Variants in SEMA4D observed in about 807,000 individuals in gnomAD.
SEMA4D encodes semaphorin-4D.
In SEMA4D, 22 loss-of-function variants were observed where a neutral mutation model predicts 74.8. The ratio of observed to expected loss-of-function variants is 0.29; its 90% CI spans 0.21 to 0.42. The LOEUF (loss-of-function observed/expected upper bound fraction) is 0.42, where lower values mean the gene tolerates loss of function less well. Ranked by LOEUF, SEMA4D falls within the 10% of genes least tolerant of loss-of-function variation. SEMA4D has a pLI of 1.00. For missense variants in SEMA4D, 937 were observed against 1,118.4 expected (o/e 0.84, Z 2.31); for synonymous variants, 445 against 463.7 (o/e 0.96, Z 0.52).
At chr9:89,367,297 G>A (rs1833825444) in intron 16 of SEMA4D, 1 of 152,350 alleles carries the variant, frequency 6.6e-6, no homozygotes, top group Non-Finnish European at 1.5e-5. Context: ...GGAGCTCCTG[G>A]AATCCTAGGC....
In SEMA4D at chr9:89,392,422, C is replaced by A; in HGVS notation, c.622+1G>T. ...CACTAAGGTGCACTGCTCTTCCTTACCGTTCAGCCAAGGGATTGCATATTC... is the reference window on the plus strand; with the variant it reads ...CACTAAGGTGCACTGCTCTTCCTTAACGTTCAGCCAAGGGATTGCATATTC... On this transcript the variant is annotated splice_donor_variant, in intron 8 of 15. Transcript: ENST00000422704. LOFTEE classifies it high-confidence loss of function. The A allele has an allele frequency of 6.2e-7, 1 of 1,601,076 alleles. No individual in the cohort carries two copies. The highest frequency in any genetic ancestry group is 8.6e-7 in the Non-Finnish European group (1 of 1,168,250).
chr9:89,363,909 C>T, exon 17 of SEMA4D: 1 of 1,614,128 alleles, frequency 6.2e-7, no homozygotes, highest in East Asian at 2.2e-5. Context: ...GTCTCCAGAG[C>T]TCGCCCATTC....
chr9:89,362,224 C>T, exon 19 of SEMA4D: 1 of 1,041,466 alleles, frequency 9.6e-7, no homozygotes, highest in Non-Finnish European at 1.4e-6. Flanking sequence ...GGGTTCCAGG[C>T]TTCTCCACTG....
chr9:89,447,263 C>T (rs796705196), intron 2 of SEMA4D, among the ~76,000 whole-genome samples: 16 of 152,196 alleles, frequency 1.1e-4, no homozygotes, highest in African/African-American at 3.9e-4. Context: ...ACCTCCATAT[C>T]CCCGGCTCCA....
chr9:89,381,260 G>C lies in SEMA4D; in HGVS notation c.1533C>G (p.Asp511Glu), dbSNP rs774461080. 1.9e-6 allele frequency: 3 copies of C among 1,598,342 alleles called. No individual in the cohort carries two copies. Among genetic ancestry groups the C allele is most frequent in the African/African-American group, 2.7e-5 (2 of 74,700 alleles). ...AGTAGGGGTCCCGCGCCAGCACACA[G>C]TCCTCGCAGGTGCCGTGCTTCCCAC... ...AFCGKHGTCE[D>E]CVLARDPYCA... The change falls in exon 14 of 16, where the codon GAC (aspartate) becomes GAG (glutamate). Residue 511 changes from aspartate to glutamate, a missense_variant. Physicochemically the swap from Asp to Glu is conservative, Grantham distance 45. Coordinates refer to ENST00000422704, the MANE Select transcript of SEMA4D (RefSeq NM_001371194.2). This position sits in a 1 kb window ranked among gnomAD's most constrained non-coding sequence, Gnocchi z 4.6.
chr9:89,473,918 G>A (rs1345986171), intron 1 of SEMA4D, among the ~76,000 whole-genome samples: 1 of 152,044 alleles, frequency 6.6e-6, no homozygotes, highest in African/African-American at 2.4e-5. Flanking sequence ...ACAGTCAGAG[G>A]GCTACAGAGA....
chr9:89,447,119 T>C (rs1853103301), intron 2 of SEMA4D, among the ~76,000 whole-genome samples: 1 of 151,810 alleles, frequency 6.6e-6, no homozygotes, highest in Admixed American at 6.6e-5. Context: ...GTCCTTCCAA[T>C]CTCGATGGAG....
chr9:89,477,948 C>T (rs1862175946), intron 1 of SEMA4D, among the ~76,000 whole-genome samples: 1 of 152,096 alleles, frequency 6.6e-6, no homozygotes, highest in Admixed American at 6.5e-5. Flanking sequence ...CCTGTTTCCC[C>T]TCTGAGTCAA....
chr9:89,453,860 T>TTC (rs1766036795), intron 2 of SEMA4D, among the ~76,000 whole-genome samples: 1 of 131,638 alleles, frequency 7.6e-6, no homozygotes, highest in East Asian at 3.8e-4. Flanking sequence ...TATATGTCTT[T>TTC]TTTTTTTTTT....
At chr9:89,448,157 T>C (rs916888675) in intron 2 of SEMA4D, among the ~76,000 whole-genome samples, 3 of 152,124 alleles carry the variant, frequency 2.0e-5, no homozygotes, top group African/African-American at 7.2e-5. Flanking sequence ...TATATTTTTA[T>C]AGAGATGAGG....
chr9:89,383,300 C>T (rs78715695), intron 13 of SEMA4D, among the ~76,000 whole-genome samples: 2,254 of 152,270 alleles, frequency 0.015, 33 homozygotes, highest in Middle Eastern at 0.034. Flanking sequence ...CTACATGCCC[C>T]GACACACTCG....
chr9:89,386,173 T>TC, intron 13 of SEMA4D, 194 bp downstream of exon 13: 1 of 741,370 alleles, frequency 1.3e-6, no homozygotes, highest in Non-Finnish European at 1.6e-6. Flanking sequence ...AGGTCTGCCT[T>TC]CCTGCCTTCC....
intron 12 of SEMA4D, 154 bp from the exon 13 acceptor site, chr9:89,386,636 A>C (rs558213892): frequency 6.3e-4 from 369 of 582,534 alleles, no homozygotes; most frequent in Non-Finnish European, 6.0e-4. Context: ...AAACAAAAAA[A>C]GGAAAAGGCT....
intron 2 of SEMA4D, among the ~76,000 whole-genome samples, chr9:89,416,200 T>C (rs1845667233): frequency 6.6e-6 from 1 of 152,192 alleles, no homozygotes; most frequent in African/African-American, 2.4e-5. Context: ...AATTCTGAAC[T>C]ATCCAGATGT....
At chr9:89,469,969 TCA>T (rs1859765391) in intron 1 of SEMA4D, among the ~76,000 whole-genome samples, 2 of 152,202 alleles carry the variant, frequency 1.3e-5, no homozygotes, top group South Asian at 4.1e-4. Context: ...AATGGACTAT[TCA>T]CAGACAGCAT....
rs1554681289 is a variant in SEMA4D at position 89,498,045 on chromosome 9, G to GGCGGCGGCAGCGGCGGCTGGGAT, written c.-459_-437dup. ...CGGGGAGGGGGTGGCGGGGAGGCCC[G>GGCGGCGGCAGCGGCGGCTGGGAT]GCGGCGGCAGCGGCGGCTGGGATGC... On this transcript the variant is annotated 5_prime_UTR_variant, in exon 1 of 16. Coordinates refer to ENST00000422704, the MANE Select transcript of SEMA4D (RefSeq NM_001371194.2). 1 of 147,958 alleles carries GGCGGCGGCAGCGGCGGCTGGGAT rather than the reference G, an allele frequency of 6.8e-6. No individual in the cohort carries two copies. The highest frequency in any genetic ancestry group is 1.5e-5 in the Non-Finnish European group (1 of 66,128). 9.2% of individuals were successfully genotyped at this position (147,958 alleles called of 1,614,324 possible).
In SEMA4D at chr9:89,387,497, T is replaced by C. The variant is rs200806630; in HGVS notation, c.1219A>G (p.Ile407Val). Residue 407 changes from isoleucine to valine, a missense_variant, in exon 12 of 16, where the codon ATA (isoleucine) becomes GTA (valine). Coordinates refer to ENST00000422704, the MANE Select transcript of SEMA4D (RefSeq NM_001371194.2). The part of the protein sequence containing the change: ...HPLMDDSVTP[I>V]DNRPRLIKKD... ...TTGATTAACCTGGGCCTGTTGTCTA[T>C]TGGGGTTACCGAGTCATCCATCAAA... 20 of 1,614,218 alleles carry C rather than the reference T, an allele frequency of 1.2e-5. No individual in the cohort carries two copies. In the African/African-American group the frequency reaches 2.0e-4, roughly 16 times the overall value.
At chr9:89,424,526 A>G (rs1207353160) in intron 2 of SEMA4D, among the ~76,000 whole-genome samples, 1 of 151,830 alleles carries the variant, frequency 6.6e-6, no homozygotes, top group Non-Finnish European at 1.5e-5. Flanking sequence ...TTCCGTCCCG[A>G]CTCCAAATTC....
At chr9:89,387,249 G>A (rs777898329) in intron 12 of SEMA4D, 137 bp downstream of exon 12, 7 of 674,050 alleles carry the variant, frequency 1.0e-5, no homozygotes, top group African/African-American at 7.3e-5. Context: ...ATCTTCTTAC[G>A]CTCCCACAAA....
Sources: allele counts gnomAD v4.1 joint callset (sites outside exome capture counted in the v4.1 genomes callset), GRCh38; gene constraint gnomAD v4.1.1; non-coding constraint Gnocchi (gnomAD v3.1); transcripts MANE v1.5; gene names NCBI Gene and HGNC (gene_info 2026-07-23, HGNC 2026-07-21).